Variants in FNIP1 observed in about 807,000 individuals in gnomAD.
FNIP1 encodes folliculin interacting protein 1.
Under a neutral mutation model 124.5 loss-of-function variants are expected in FNIP1, and 40 were observed. The observed-to-expected ratio is 0.32, with a 90% confidence interval of 0.25 to 0.42. The LOEUF is 0.42. Among genes scored for constraint, FNIP1 ranks in the 10% least tolerant of loss-of-function variants. FNIP1 has a pLI of 1.00. For missense variants in FNIP1, 1,176 were observed against 1,403.7 expected (o/e 0.84, Z 2.59); for synonymous variants, 472 against 470.6 (o/e 1.00, Z -0.04).
intron 6 of FNIP1, among the ~76,000 whole-genome samples, chr5:131,714,517 A>C (rs529845153): frequency 1.3e-5 from 2 of 152,298 alleles, no homozygotes; most frequent in East Asian, 3.9e-4. Context: ...AGTGTGGCCT[A>C]CAGTGTGTTT....
intron 1 of FNIP1, among the ~76,000 whole-genome samples, chr5:131,794,029 G>A (rs1371104126): frequency 1.3e-5 from 2 of 151,668 alleles, no homozygotes; most frequent in Middle Eastern, 3.4e-3. Flanking sequence ...ATAAAAAAAC[G>A]ATTAAGACAG....
At chr5:131,793,701 C>T (rs907957479) in intron 1 of FNIP1, among the ~76,000 whole-genome samples, 1 of 152,132 alleles carries the variant, frequency 6.6e-6, no homozygotes, top group African/African-American at 2.4e-5. Context: ...GAAGTCTCTC[C>T]TATTCTAAAG....
chr5:131,774,319 C>T (rs372421005), intron 1 of FNIP1, among the ~76,000 whole-genome samples: 8 of 152,298 alleles, frequency 5.3e-5, no homozygotes, highest in Admixed American at 1.3e-4. Flanking sequence ...TGAGCCACTG[C>T]GTCTGGCCTC....
chr5:131,747,091 T>C (rs1265782226), intron 1 of FNIP1, among the ~76,000 whole-genome samples: 3 of 152,206 alleles, frequency 2.0e-5, no homozygotes, highest in Admixed American at 1.3e-4. Flanking sequence ...GAACTGTCTG[T>C]TCATATATTT....
chr5:131,663,485 C>T (rs1189251030), intron 15 of FNIP1, among the ~76,000 whole-genome samples: 2 of 151,924 alleles, frequency 1.3e-5, no homozygotes, highest in Non-Finnish European at 2.9e-5. Flanking sequence ...AACTTTAATC[C>T]CTGTAGGTCT....
chr5:131,658,775 T>C (rs547486773), intron 15 of FNIP1, among the ~76,000 whole-genome samples: 12 of 151,540 alleles, frequency 7.9e-5, no homozygotes, highest in African/African-American at 2.7e-4. Context: ...TTCACGATAT[T>C]TGGAATGACT....
chr5:131,677,736 T>C lies in FNIP1; in HGVS notation c.1486A>G (p.Thr496Ala). 4 of 1,614,098 alleles carry C rather than the reference T, an allele frequency of 2.5e-6. No individual in the cohort carries two copies. Among genetic ancestry groups the C allele is most frequent in the Non-Finnish European group, 3.4e-6 (4 of 1,179,978 alleles). Residue 496 changes from threonine to alanine, a missense_variant, in exon 13 of 18, where the codon ACT becomes GCT. Coordinates refer to ENST00000510461, the MANE Select transcript of FNIP1 (RefSeq NM_133372.3). ...SSQSVDMLAK[T>A]HPYNPLWAQL... ...GCCCAAAGTGGGTTATATGGATGAG[T>C]CTTTGCCAACATGTCCACACTCTGA...
At chr5:131,657,588 A>C (rs1767234535) in intron 15 of FNIP1, among the ~76,000 whole-genome samples, 1 of 152,106 alleles carries the variant, frequency 6.6e-6, no homozygotes, top group African/African-American at 2.4e-5. Flanking sequence ...ACGCCATAGA[A>C]GATGCCATTG....
chr5:131,683,866 C>T (rs1354765936), intron 11 of FNIP1, among the ~76,000 whole-genome samples: 3 of 152,112 alleles, frequency 2.0e-5, no homozygotes, highest in African/African-American at 7.2e-5. Flanking sequence ...TAAACAGGTT[C>T]CTATGAGCCT....
intron 15 of FNIP1, among the ~76,000 whole-genome samples, chr5:131,664,155 C>G (rs554642008): frequency 3.9e-5 from 6 of 152,230 alleles, no homozygotes; most frequent in African/African-American, 1.2e-4. Flanking sequence ...TAAGAGCACA[C>G]TAATGCAGGG....
intron 1 of FNIP1, among the ~76,000 whole-genome samples, chr5:131,788,126 A>G (rs944373135): frequency 1.1e-4 from 17 of 152,190 alleles, no homozygotes; most frequent in Non-Finnish European, 2.4e-4. Flanking sequence ...AGCTACTAAG[A>G]ATCTGAATCA....
chr5:131,729,961 G>T (rs1248601210), intron 3 of FNIP1, among the ~76,000 whole-genome samples: 1 of 151,636 alleles, frequency 6.6e-6, no homozygotes, highest in Non-Finnish European at 1.5e-5. Context: ...GGCTGGTCTC[G>T]AACTCCTGAC....
intron 16 of FNIP1, 128 bp from the exon 17 acceptor site, chr5:131,647,333 C>G (rs551945620): frequency 3.0e-6 from 2 of 664,024 alleles, no homozygotes; most frequent in Admixed American, 5.4e-5. Context: ...AAATTTGGAG[C>G]ACATTTTTAA....
intron 6 of FNIP1, among the ~76,000 whole-genome samples, chr5:131,714,324 G>T (rs1170200112): frequency 1.3e-5 from 2 of 152,042 alleles, no homozygotes; most frequent in African/African-American, 2.4e-5. Flanking sequence ...AATTCGATGG[G>T]TCTCTCAGCC....
At chr5:131,767,427 CAAAAAAAA>C (rs139550903) in intron 1 of FNIP1, among the ~76,000 whole-genome samples, 149 of 64,020 alleles carry the variant, frequency 2.3e-3, no homozygotes, top group African/African-American at 5.4e-3. Context: ...GATTCTGTCT[CAAAAAAAA>C]AAAAAAAAAA....
chr5:131,657,094 C>T (rs944817091), intron 15 of FNIP1, among the ~76,000 whole-genome samples: 1 of 147,944 alleles, frequency 6.8e-6, no homozygotes, highest in Admixed American at 6.7e-5. Context: ...ACCTCCAACT[C>T]CCAGGTTCGA....
chr5:131,678,478 A>G (rs896234714), intron 12 of FNIP1, among the ~76,000 whole-genome samples: 7 of 152,008 alleles, frequency 4.6e-5, no homozygotes, highest in African/African-American at 1.7e-4. Context: ...CGCAATCTCC[A>G]CTTACTGCAA....
chr5:131,723,780 T>A (rs1018543015), intron 3 of FNIP1, among the ~76,000 whole-genome samples: 2 of 152,190 alleles, frequency 1.3e-5, no homozygotes, highest in African/African-American at 4.8e-5. Flanking sequence ...TACATAGGTA[T>A]AAAAGTGCCA....
chr5:131,650,305 T>C (rs1445111024), intron 16 of FNIP1, among the ~76,000 whole-genome samples: 1 of 152,198 alleles, frequency 6.6e-6, no homozygotes, highest in African/African-American at 2.4e-5. Context: ...TAATGTTTTA[T>C]ACCTTATAGT....
Sources: gnomAD v4.1 joint callset for allele counts (sites outside exome capture counted in the v4.1 genomes callset) on GRCh38, gnomAD v4.1.1 for gene constraint, MANE v1.5 for transcripts, NCBI Gene and HGNC (gene_info 2026-07-23, HGNC 2026-07-21) for gene names.